The following ASB3 variants were observed in gnomAD, a reference collection of about 807,000 sequenced individuals.
The protein encoded by ASB3 is ankyrin repeat and SOCS box protein 3.
In ASB3, 41 loss-of-function variants were observed where a neutral mutation model predicts 54.5. That is an observed-to-expected ratio of 0.75 (90% CI 0.59 to 0.98). The LOEUF (loss-of-function observed/expected upper bound fraction) is 0.98. Among genes scored for constraint, ASB3 ranks in the 50% least tolerant of loss-of-function variants. ASB3 has a pLI of 0.00. For synonymous variants in ASB3, 266 were observed against 221.2 expected (o/e 1.20, Z -1.80); for missense variants, 733 against 620.0 (o/e 1.18, Z -1.94).
intron 5 of ASB3, among the ~76,000 whole-genome samples, chr2:53,718,537 A>G (rs143190638): frequency 2.0e-3 from 308 of 152,324 alleles, no homozygotes; most frequent in Middle Eastern, 3.4e-3. Context: ...TGGAAATGAA[A>G]GAACAACACT....
chr2:53,748,010 C>A (rs566918542), intron 3 of ASB3, among the ~76,000 whole-genome samples: 9 of 152,302 alleles, frequency 5.9e-5, no homozygotes, highest in African/African-American at 2.2e-4. Context: ...ACAGCAAGAT[C>A]AAGATTCAAA....
chr2:53,710,433 G>C (rs1670031020), intron 7 of ASB3, among the ~76,000 whole-genome samples: 1 of 152,126 alleles, frequency 6.6e-6, no homozygotes, highest in Admixed American at 6.5e-5. Flanking sequence ...CATTATAAGA[G>C]CTGCTTTCAA....
intron 1 of ASB3, among the ~76,000 whole-genome samples, chr2:53,775,772 G>A (rs928737775): frequency 3.3e-5 from 5 of 152,076 alleles, no homozygotes; most frequent in Non-Finnish European, 5.9e-5. Context: ...CACCATGCCC[G>A]GCCTATAATT....
intron 3 of ASB3, among the ~76,000 whole-genome samples, chr2:53,737,361 G>A (rs563242617): frequency 6.6e-6 from 1 of 152,302 alleles, no homozygotes; most frequent in African/African-American, 2.4e-5. Flanking sequence ...AGTAAACTGA[G>A]GAGACAGAGA....
At chr2:53,704,445 G>A (rs375081189) in intron 7 of ASB3, among the ~76,000 whole-genome samples, 27 of 151,516 alleles carry the variant, frequency 1.8e-4, no homozygotes, top group Middle Eastern at 6.8e-3. Context: ...CTTTATAATT[G>A]GTGACTGTAA....
intron 7 of ASB3, among the ~76,000 whole-genome samples, chr2:53,708,992 T>C (rs77996388): frequency 0.014 from 2,100 of 152,286 alleles, 42 homozygotes; most frequent in African/African-American, 0.047. Context: ...GAAAAGCCTA[T>C]TTTCAGGGAA....
chr2:53,755,775 C>T (rs1165316544), intron 2 of ASB3, among the ~76,000 whole-genome samples: 1 of 152,182 alleles, frequency 6.6e-6, no homozygotes, highest in Non-Finnish European at 1.5e-5. Flanking sequence ...AAAGTAGACA[C>T]TGTTAAGAAA....
At chr2:53,766,807 G>T (rs193081648) in intron 1 of ASB3, among the ~76,000 whole-genome samples, 373 of 151,526 alleles carry the variant, frequency 2.5e-3, no homozygotes, top group Non-Finnish European at 4.2e-3. Context: ...TTGTTTGTTT[G>T]TCTGGTAGCA....
At chr2:53,683,561 T>C (rs1286863413) in intron 9 of ASB3, among the ~76,000 whole-genome samples, 1 of 152,178 alleles carries the variant, frequency 6.6e-6, no homozygotes, top group Admixed American at 6.5e-5. Flanking sequence ...GTATTAGTTC[T>C]TCTTTAAATA....
chr2:53,711,817 G>A (rs948185043), intron 7 of ASB3, among the ~76,000 whole-genome samples: 3 of 151,902 alleles, frequency 2.0e-5, no homozygotes, highest in African/African-American at 4.8e-5. Flanking sequence ...TTTCATGTGG[G>A]TCACTTCACC....
chr2:53,689,159 T>C (rs1668780636), intron 9 of ASB3, among the ~76,000 whole-genome samples: 1 of 151,808 alleles, frequency 6.6e-6, no homozygotes, highest in Admixed American at 6.6e-5. Flanking sequence ...TGAATAAATT[T>C]GGGTAGTCAA....
At chr2:53,721,328 G>A (rs1670696819) in intron 5 of ASB3, among the ~76,000 whole-genome samples, 1 of 148,700 alleles carries the variant, frequency 6.7e-6, no homozygotes, top group Non-Finnish European at 1.5e-5. Context: ...GCCAAGGCAG[G>A]CAGATTGCCT....
intron 9 of ASB3, among the ~76,000 whole-genome samples, chr2:53,674,520 A>T (rs991518423): frequency 6.6e-6 from 1 of 152,234 alleles, no homozygotes; most frequent in African/African-American, 2.4e-5. Context: ...TTAATTCATT[A>T]TGCTTATAAA....
chr2:53,704,771 T>A (rs1296835849), intron 7 of ASB3, among the ~76,000 whole-genome samples: 3 of 152,190 alleles, frequency 2.0e-5, no homozygotes, highest in Non-Finnish European at 4.4e-5. Context: ...AATGAAAGGT[T>A]TTCCTTTACC....
chr2:53,764,315 G>A (rs1046338104), intron 2 of ASB3, among the ~76,000 whole-genome samples: 10 of 152,100 alleles, frequency 6.6e-5, no homozygotes, highest in African/African-American at 2.4e-4. Context: ...TTAAATGTTA[G>A]AAGCTTGGTA....
intron 9 of ASB3, among the ~76,000 whole-genome samples, chr2:53,674,865 T>C (rs1363739493): frequency 6.6e-6 from 1 of 152,154 alleles, no homozygotes; most frequent in Non-Finnish European, 1.5e-5. Context: ...ACCTGAGAAC[T>C]CTGAAAAACA....
At chr2:53,773,535 A>G (rs1285556604) in intron 1 of ASB3, among the ~76,000 whole-genome samples, 1 of 152,040 alleles carries the variant, frequency 6.6e-6, no homozygotes, top group East Asian at 2.0e-4. Context: ...GGTTCAAGCA[A>G]TGCTCCTGCC....
intron 1 of ASB3, chr2:53,767,919 G>A (rs1471501013): frequency 4.3e-6 from 7 of 1,613,812 alleles, no homozygotes; most frequent in African/African-American, 1.3e-5. Flanking sequence ...CCCTGATCTG[G>A]AAGGTGGATT....
chr2:53,710,995 TG>T (rs1197912140), intron 7 of ASB3, among the ~76,000 whole-genome samples: 1 of 151,562 alleles, frequency 6.6e-6, no homozygotes, highest in Non-Finnish European at 1.5e-5. Context: ...CCAGGCATGG[TG>T]GCGCACAACC....
Sources: allele counts gnomAD v4.1 joint callset (sites outside exome capture counted in the v4.1 genomes callset), GRCh38; gene constraint gnomAD v4.1.1; transcripts MANE v1.5; gene names NCBI Gene and HGNC (gene_info 2026-07-23, HGNC 2026-07-21).